The following ARFGAP3 variants were observed in gnomAD, a reference collection of about 807,000 sequenced individuals.
The protein encoded by ARFGAP3 is ADP-ribosylation factor GTPase-activating protein 3.
ARFGAP3 carries 72 observed loss-of-function variants against 75.0 expected under a neutral mutation model. The observed-to-expected ratio is 0.96, with a 90% CI of 0.79 to 1.17. The LOEUF is 1.17. Ranked by LOEUF, ARFGAP3 falls within the 50% of genes most tolerant of loss-of-function variation. ARFGAP3 has a pLI of 0.00. For synonymous variants in ARFGAP3, 221 were observed against 217.9 expected (o/e 1.01, Z -0.13); for missense variants, 620 against 626.6 (o/e 0.99, Z 0.11).
intron 7 of ARFGAP3, among the ~76,000 whole-genome samples, chr22:42,825,799 T>C (rs1473505832): frequency 6.6e-6 from 1 of 152,178 alleles, no homozygotes; most frequent in African/African-American, 2.4e-5. Context: ...TCTGAGTACA[T>C]TTTACTTATA....
intron 3 of ARFGAP3, among the ~76,000 whole-genome samples, chr22:42,836,118 G>A (rs1000781306): frequency 6.6e-6 from 1 of 151,560 alleles, no homozygotes; most frequent in African/African-American, 2.4e-5. Flanking sequence ...AAATAGCTGG[G>A]ACTACAGGTG....
intron 3 of ARFGAP3, 84 bp from the exon 4 acceptor site, chr22:42,835,577 T>G: frequency 6.7e-7 from 1 of 1,497,442 alleles, no homozygotes; most frequent in Non-Finnish European, 9.1e-7. Flanking sequence ...ATCCCAGCAC[T>G]CTGGGAGGCC....
chr22:42,833,917 C>A (rs1442361219), intron 5 of ARFGAP3, among the ~76,000 whole-genome samples: 2 of 152,210 alleles, frequency 1.3e-5, no homozygotes, highest in Non-Finnish European at 2.9e-5. Flanking sequence ...TTCAGTCCCC[C>A]CAAAAATAAA....
At chr22:42,832,772 G>A (rs921595092) in intron 5 of ARFGAP3, among the ~76,000 whole-genome samples, 2 of 151,888 alleles carry the variant, frequency 1.3e-5, no homozygotes, top group African/African-American at 4.8e-5. Context: ...GATCACCTGA[G>A]GTCAGGAGTT....
chr22:42,820,071 C>T (rs9607954), intron 9 of ARFGAP3, among the ~76,000 whole-genome samples: 4,346 of 152,260 alleles, frequency 0.029, 80 homozygotes, highest in African/African-American at 0.039. Flanking sequence ...AACAACCAGA[C>T]TTCACTCCAT....
rs562971149 is a variant in ARFGAP3 at position 42,805,014 on chromosome 22, C to A, written c.1411+2059G>T. 4.0e-3 allele frequency among the ~76,000 whole-genome samples: 613 copies of A among 152,210 alleles called. 2 individuals carry two copies. Among genetic ancestry groups the A allele is most frequent in the Non-Finnish European group, 6.9e-3 (466 of 67,996 alleles). On this transcript the variant is annotated intron_variant, in intron 14 of 15. Transcript: ENST00000263245. The stretch of plus-strand genomic sequence containing the variant: ...ATAAAAGTTGCTGGTGCCTGTAATT[C>A]CAGCTTCTTGGGAGGCTGAGGAGGG...
At chr22:42,817,386 A>G in intron 10 of ARFGAP3, 122 bp from the exon 11 acceptor site, 2 of 1,356,320 alleles carry the variant, frequency 1.5e-6, no homozygotes, top group South Asian at 1.6e-5. Flanking sequence ...TAAAAACATA[A>G]GCAATAAAAC....
chr22:42,816,565 G>A (rs1019390460), intron 11 of ARFGAP3, among the ~76,000 whole-genome samples: 5 of 152,194 alleles, frequency 3.3e-5, no homozygotes, highest in East Asian at 1.9e-4. Flanking sequence ...CCACTTGACC[G>A]TGCACTGCTC....
At chr22:42,849,560 CTTTTTTT>C (rs58141557) in intron 1 of ARFGAP3, among the ~76,000 whole-genome samples, 19 of 127,994 alleles carry the variant, frequency 1.5e-4, no homozygotes, top group Non-Finnish European at 2.6e-4. Flanking sequence ...TGCTTTATGG[CTTTTTTT>C]TTTTTTTTTT....
At chr22:42,805,911 CT>C (rs1204568430) in intron 14 of ARFGAP3, among the ~76,000 whole-genome samples, 2 of 152,224 alleles carry the variant, frequency 1.3e-5, no homozygotes, top group East Asian at 3.8e-4. Context: ...AGGACTCTCC[CT>C]CCACTGCAGC....
intron 13 of ARFGAP3, among the ~76,000 whole-genome samples, chr22:42,807,958 T>G (rs9611913): frequency 0.038 from 5,828 of 151,662 alleles, 159 homozygotes; most frequent in African/African-American, 0.074. Flanking sequence ...TTGGCCAGGC[T>G]GGTCTCGAAC....
intron 1 of ARFGAP3, among the ~76,000 whole-genome samples, chr22:42,848,387 T>C (rs908403086): frequency 2.6e-5 from 4 of 152,102 alleles, no homozygotes; most frequent in African/African-American, 9.7e-5. Flanking sequence ...TTTTTGTATA[T>C]TTAGTAGAGA....
intron 7 of ARFGAP3, 102 bp from the exon 8 acceptor site, chr22:42,823,804 GAT>G: frequency 8.2e-7 from 1 of 1,223,094 alleles, no homozygotes; most frequent in Non-Finnish European, 1.1e-6. Flanking sequence ...TTATTTAAGA[GAT>G]GATAACATTT....
intron 8 of ARFGAP3, 129 bp downstream of exon 8, chr22:42,823,525 CAT>C (rs2146548769): frequency 1.6e-6 from 1 of 612,564 alleles, no homozygotes; most frequent in Non-Finnish European, 2.8e-6. Flanking sequence ...TTGAACAAAA[CAT>C]AGACTCCTTA....
intron 1 of ARFGAP3, among the ~76,000 whole-genome samples, chr22:42,848,662 C>T (rs1259345227): frequency 6.6e-6 from 1 of 152,166 alleles, no homozygotes; most frequent in Non-Finnish European, 1.5e-5. Context: ...TGCCTAGAAA[C>T]ACTCCAGCCC....
Position 42,817,236 on chromosome 22 carries a change from T to C in ARFGAP3, c.970A>G (p.Met324Val). Reference protein sequence around the residue: ...SVISHSVTSDMQTIEQESPIM... With the variant: ...SVISHSVTSDVQTIEQESPIM... ...GGTGATTCCTGCTCTATGGTCTGCATATCTGAAGTCACTGAATGTGAAATA... is the reference window on the plus strand; with the variant it reads ...GGTGATTCCTGCTCTATGGTCTGCACATCTGAAGTCACTGAATGTGAAATA... Residue 324 changes from methionine (M) to valine (V), a missense_variant, in exon 11 of 16, where the codon ATG (methionine) becomes GTG (valine). Met to Val is a conservative substitution (Grantham distance 21). Coordinates refer to ENST00000263245, the MANE Select transcript of ARFGAP3 (RefSeq NM_014570.5). The C allele has an allele frequency of 6.2e-7, 1 of 1,612,050 alleles. No homozygotes were observed. Among genetic ancestry groups the C allele is most frequent in the Non-Finnish European group, 8.5e-7 (1 of 1,178,988 alleles).
In ARFGAP3 at chr22:42,817,715, G is replaced by C. The variant is rs1193329403; in HGVS notation, c.941+14C>G. On this transcript the variant is annotated intron_variant, in intron 10 of 15. Transcript: ENST00000263245. ...TGTTTTAAATTCTAACTCCAAGAAA[G>C]CAGTCTCACATACCTTCTGCAATTT... The C allele has an allele frequency of 6.3e-7, 1 of 1,583,546 alleles. No homozygotes were observed. Among genetic ancestry groups the C allele is most frequent in the East Asian group, 2.2e-5 (1 of 44,550 alleles).
rs12157750 is a variant in ARFGAP3 at position 42,818,904 on chromosome 22, C to T, written c.813-1047G>A. 8.5e-4 allele frequency among the ~76,000 whole-genome samples: 128 copies of T among 150,942 alleles called. 2 individuals carry two copies. Among genetic ancestry groups the T allele is most frequent in the African/African-American group, 3.0e-3 (122 of 41,106 alleles). ...CTTGGCTCACTGCAACCTCCACCCA[C>T]GAGGTTCAAGCAATTCTCCTGCCTC... On this transcript the variant is annotated intron_variant, in intron 9 of 15. Transcript: ENST00000263245.
intron 14 of ARFGAP3, among the ~76,000 whole-genome samples, chr22:42,802,494 C>T (rs1202574014): frequency 6.0e-5 from 9 of 151,188 alleles, no homozygotes; most frequent in African/African-American, 1.5e-4. Flanking sequence ...GGGGTTTCAC[C>T]GTGTTAGCCA....
Sources: allele counts gnomAD v4.1 joint callset (sites outside exome capture counted in the v4.1 genomes callset), GRCh38; gene constraint gnomAD v4.1.1; transcripts MANE v1.5; gene names NCBI Gene and HGNC (gene_info 2026-07-23, HGNC 2026-07-21).